Variants in TNS3 observed in about 807,000 individuals in gnomAD.
TNS3 encodes tensin-3.
Under a neutral mutation model 140.9 loss-of-function variants are expected in TNS3, and 45 were observed. The ratio of observed to expected loss-of-function variants is 0.32; its 90% CI spans 0.25 to 0.41. TNS3 has a LOEUF of 0.41. TNS3 is among the 10% of genes least tolerant of loss of function. The pLI is 1.00. For synonymous variants in TNS3, 815 were observed against 788.4 expected (o/e 1.03, Z -0.56); for missense variants, 1,716 against 1,906.7 (o/e 0.90, Z 1.86).
chr7:47,310,045 C>T lies in TNS3; in HGVS notation c.2651-5042G>A, dbSNP rs149727154. Among the ~76,000 whole-genome samples, 1,078 of 152,274 alleles carry T rather than the reference C, an allele frequency of 7.1e-3. 11 individuals carry two copies. Among genetic ancestry groups the T allele is most frequent in the African/African-American group, 0.023 (958 of 41,560 alleles). On this transcript the variant is annotated intron_variant, in intron 20 of 30. Coordinates refer to ENST00000311160, the MANE Select transcript of TNS3 (RefSeq NM_022748.12). ...GGAAGCATGTGGTATAGGGGCCATA[C>T]ACAAACTAGCAGTGGTAATCACACT... is the stretch of plus-strand genomic sequence containing the variant.
chr7:47,281,178 T>G (rs1425630310), intron 28 of TNS3, among the ~76,000 whole-genome samples: 1 of 152,196 alleles, frequency 6.6e-6, no homozygotes, highest in Non-Finnish European at 1.5e-5. Flanking sequence ...GCAAGGAATA[T>G]TCCTTAAGGA....
chr7:47,278,390 C>T, intron 30 of TNS3, 170 bp from the exon 31 acceptor site: 2 of 669,662 alleles, frequency 3.0e-6, no homozygotes, highest in South Asian at 4.0e-5. Flanking sequence ...TTACCTCCAG[C>T]CTTCACAGAC....
At chr7:47,360,015 C>G (rs1034708988) in intron 17 of TNS3, among the ~76,000 whole-genome samples, 1 of 152,172 alleles carries the variant, frequency 6.6e-6, no homozygotes, top group African/African-American at 2.4e-5. Context: ...GAAACCAAGG[C>G]CCCCTGCTTT....
At chr7:47,320,372 C>T (rs1241856104) in intron 20 of TNS3, among the ~76,000 whole-genome samples, 19 of 152,192 alleles carry the variant, frequency 1.2e-4, no homozygotes, top group Admixed American at 1.2e-3. Context: ...TCACTCTGTC[C>T]ACAGCTCTGT....
chr7:47,505,881 G>A (rs6974901), intron 3 of TNS3, among the ~76,000 whole-genome samples: 10,978 of 152,246 alleles, frequency 0.072, 412 homozygotes, highest in Middle Eastern at 0.13. Flanking sequence ...GCCTGAGATC[G>A]GGAGGGTCGG....
chr7:47,449,291 C>A (rs954612391), intron 4 of TNS3, among the ~76,000 whole-genome samples: 1 of 152,190 alleles, frequency 6.6e-6, no homozygotes, highest in Non-Finnish European at 1.5e-5. Context: ...CCTTCACTGA[C>A]GTCCCATTGC....
intron 20 of TNS3, among the ~76,000 whole-genome samples, chr7:47,341,903 A>AT (rs1367480013): frequency 6.6e-6 from 1 of 151,940 alleles, no homozygotes; most frequent in Non-Finnish European, 1.5e-5. Context: ...AATTTTTGAT[A>AT]TTTTATCCTC....
intron 4 of TNS3, among the ~76,000 whole-genome samples, chr7:47,455,322 A>T (rs900083809): frequency 1.3e-5 from 2 of 152,046 alleles, no homozygotes; most frequent in African/African-American, 4.8e-5. Context: ...GATCACCCCA[A>T]CTCAGACCAG....
At chr7:47,474,741 C>A (rs1420828085) in intron 4 of TNS3, among the ~76,000 whole-genome samples, 2 of 147,554 alleles carry the variant, frequency 1.4e-5, no homozygotes, top group African/African-American at 5.0e-5. Context: ...CAACACACCT[C>A]AGCACAACAC....
At chr7:47,520,583 C>G (rs534716472) in intron 2 of TNS3, among the ~76,000 whole-genome samples, 53 of 152,294 alleles carry the variant, frequency 3.5e-4, no homozygotes, top group Non-Finnish European at 6.2e-4. Flanking sequence ...GGAAGGATTT[C>G]AGACAAAATC....
chr7:47,369,625 C>CG lies in TNS3; in HGVS notation c.1025-5dup. On this transcript the variant is annotated splice_polypyrimidine_tract_variant and splice_region_variant and intron_variant, in intron 16 of 30. Transcript: ENST00000311160. ...ACAGGGCCCTGCGTGTGTAGCACTG[C>CG]GGGGGAGAAAACCGGAGAGAGGCTT... 6.5e-7 allele frequency: 1 copy of CG among 1,547,180 alleles called. No homozygotes were observed. The highest frequency in any genetic ancestry group is 1.3e-5 in the South Asian group (1 of 79,874).
intron 17 of TNS3, among the ~76,000 whole-genome samples, chr7:47,355,131 G>A (rs993066807): frequency 1.3e-5 from 2 of 152,232 alleles, no homozygotes; most frequent in Non-Finnish European, 2.9e-5. Flanking sequence ...ATAAGGAAAC[G>A]TGCTGAGGGC....
At chr7:47,375,925 C>T (rs946072281) in intron 16 of TNS3, among the ~76,000 whole-genome samples, 1 of 152,204 alleles carries the variant, frequency 6.6e-6, no homozygotes, top group Non-Finnish European at 1.5e-5. Flanking sequence ...CGACGTGGAA[C>T]CTTTCCTTTT....
chr7:47,557,417 G>C (rs544258403), intron 1 of TNS3, among the ~76,000 whole-genome samples: 9 of 152,246 alleles, frequency 5.9e-5, no homozygotes, highest in African/African-American at 2.2e-4. Flanking sequence ...CCCATCTAGG[G>C]GGTGCTATCT....
chr7:47,494,006 C>T (rs1797911375), intron 3 of TNS3, among the ~76,000 whole-genome samples: 1 of 152,230 alleles, frequency 6.6e-6, no homozygotes, highest in Non-Finnish European at 1.5e-5. Flanking sequence ...GCTAAACTGC[C>T]ACCCCTGTTC....
chr7:47,361,471 C>T (rs1288072257), intron 17 of TNS3, among the ~76,000 whole-genome samples: 3 of 152,196 alleles, frequency 2.0e-5, no homozygotes, highest in Non-Finnish European at 4.4e-5. Flanking sequence ...GCACCCCCAG[C>T]ACGTTCCCCA....
chr7:47,438,376 G>C (rs1053946448), intron 6 of TNS3, among the ~76,000 whole-genome samples: 1 of 152,192 alleles, frequency 6.6e-6, no homozygotes, highest in Non-Finnish European at 1.5e-5. Context: ...AAGAGGGGAA[G>C]GATGGCCAGA....
chr7:47,465,461 G>C (rs970005075), intron 4 of TNS3, among the ~76,000 whole-genome samples: 65 of 152,284 alleles, frequency 4.3e-4, no homozygotes, highest in Non-Finnish European at 4.1e-4. Context: ...ATGCCCCTGT[G>C]AAGTAGAGAC....
chr7:47,521,412 A>T (rs893000626), intron 2 of TNS3, among the ~76,000 whole-genome samples: 1 of 152,222 alleles, frequency 6.6e-6, no homozygotes, highest in African/African-American at 2.4e-5. Context: ...TCACCCTGCA[A>T]GACAAGACAG....
Sources: gnomAD v4.1 joint callset for allele counts (sites outside exome capture counted in the v4.1 genomes callset) on GRCh38, gnomAD v4.1.1 for gene constraint, MANE v1.5 for transcripts, NCBI Gene and HGNC (gene_info 2026-07-23, HGNC 2026-07-21) for gene names.